The following BICC1 variants were observed in gnomAD, a reference collection of about 807,000 sequenced individuals.
BICC1 encodes the protein protein bicaudal C homolog 1.
A neutral mutation model predicts 111.0 loss-of-function variants in BICC1; 43 were observed. The observed-to-expected ratio is 0.39, with a 90% CI of 0.30 to 0.50. The LOEUF is 0.50. Among genes scored for constraint, BICC1 ranks in the 20% least tolerant of loss-of-function variants. The pLI is 0.88. For missense variants in BICC1, 1,091 were observed against 1,203.2 expected (o/e 0.91, Z 1.38); for synonymous variants, 467 against 434.4 (o/e 1.07, Z -0.93).
chr10:58,613,499 C>A (rs898743133), intron 1 of BICC1, among the ~76,000 whole-genome samples: 4 of 152,086 alleles, frequency 2.6e-5, no homozygotes, highest in African/African-American at 9.7e-5. Flanking sequence ...CTCCATTTTG[C>A]CCTCCAAATA....
intron 17 of BICC1, among the ~76,000 whole-genome samples, chr10:58,808,860 C>T (rs547959311): frequency 4.8e-4 from 73 of 152,006 alleles, no homozygotes; most frequent in African/African-American, 1.7e-3. Flanking sequence ...GGATTACAGA[C>T]ACCCACCATC....
At chr10:58,685,351 G>A (rs1182436478) in intron 2 of BICC1, among the ~76,000 whole-genome samples, 2 of 152,184 alleles carry the variant, frequency 1.3e-5, no homozygotes, top group Admixed American at 6.5e-5. Context: ...CTGTTGATTG[G>A]GGGTGGAGAG....
In BICC1 at chr10:58,574,665, T is replaced by A. The variant is rs139788419; in HGVS notation, c.191-46190T>A. On this transcript the variant is annotated intron_variant, in intron 1 of 20. Coordinates refer to ENST00000373886, the MANE Select transcript of BICC1 (RefSeq NM_001080512.3). Reference sequence around the variant, plus strand: ...TATATGTTTGGTTTATAGCTATTGATGTTGACTATATTTTCAGTTAAATTG... The same window carrying A: ...TATATGTTTGGTTTATAGCTATTGAAGTTGACTATATTTTCAGTTAAATTG... Among the ~76,000 whole-genome samples, 25 of 152,312 alleles carry A rather than the reference T, an allele frequency of 1.6e-4. No homozygotes were observed. The East Asian group carries it at 3.1e-3, about 19-fold the overall frequency.
intron 15 of BICC1, among the ~76,000 whole-genome samples, chr10:58,805,415 G>T (rs760571136): frequency 3.3e-5 from 5 of 152,180 alleles, no homozygotes; most frequent in African/African-American, 9.7e-5. Flanking sequence ...GGCCCTCAAT[G>T]AATATTTGTT....
At chr10:58,713,886 C>T (rs1489456764) in intron 3 of BICC1, among the ~76,000 whole-genome samples, 2 of 151,940 alleles carry the variant, frequency 1.3e-5, no homozygotes, top group African/African-American at 4.8e-5. Context: ...TTTTGAGATC[C>T]ATTAAGGATT....
intron 3 of BICC1, among the ~76,000 whole-genome samples, chr10:58,708,761 A>G (rs1192013859): frequency 2.0e-5 from 3 of 152,170 alleles, no homozygotes; most frequent in Non-Finnish European, 4.4e-5. Flanking sequence ...AAAGGGGAAG[A>G]TGGAGCTGCC....
chr10:58,669,995 T>C (rs1250216624), intron 2 of BICC1, among the ~76,000 whole-genome samples: 2 of 152,166 alleles, frequency 1.3e-5, no homozygotes, highest in African/African-American at 4.8e-5. Flanking sequence ...GTTTATGTTA[T>C]TGTAAAGTTT....
intron 3 of BICC1, among the ~76,000 whole-genome samples, chr10:58,780,406 C>G (rs532501644): frequency 4.6e-5 from 7 of 152,018 alleles, no homozygotes; most frequent in African/African-American, 1.7e-4. Flanking sequence ...ATGTACATGC[C>G]GAGGGTGGAA....
rs150447129 is a variant in BICC1 at position 58,775,296 on chromosome 10, T to C, written c.308-9705T>C. ...GGCTGAGGCAGGAGATTCACTTGAA[T>C]CTGGGAGGTGGAAGTTGCAGTGAGC... On this transcript the variant is annotated intron_variant, in intron 3 of 20. Transcript: ENST00000373886. Among the ~76,000 whole-genome samples the C allele has an allele frequency of 4.9e-3, 744 of 151,804 alleles. 13 individuals carry two copies. Among genetic ancestry groups the C allele is most frequent in the African/African-American group, 0.017 (701 of 41,416 alleles).
chr10:58,790,076 A>G, intron 8 of BICC1, 143 bp downstream of exon 8: 1 of 894,416 alleles, frequency 1.1e-6, no homozygotes, highest in Non-Finnish European at 1.7e-6. Flanking sequence ...CTAAAAGGAA[A>G]TAAACTGGAA....
At chr10:58,817,008 T>C (rs1273415471) in intron 18 of BICC1, among the ~76,000 whole-genome samples, 1 of 152,132 alleles carries the variant, frequency 6.6e-6, no homozygotes, top group Non-Finnish European at 1.5e-5. Flanking sequence ...TATCACTTTA[T>C]ACATTACTAT....
intron 20 of BICC1, among the ~76,000 whole-genome samples, chr10:58,827,108 T>G (rs891644321): frequency 6.6e-6 from 1 of 152,206 alleles, no homozygotes; most frequent in African/African-American, 2.4e-5. Flanking sequence ...ATCAGAGTCG[T>G]CAAACTAGTT....
chr10:58,607,658 C>T (rs1303165148), intron 1 of BICC1, among the ~76,000 whole-genome samples: 2 of 152,120 alleles, frequency 1.3e-5, no homozygotes, highest in Non-Finnish European at 2.9e-5. Flanking sequence ...CCTTCTCAAT[C>T]TCTTCCTTCT....
intron 2 of BICC1, among the ~76,000 whole-genome samples, chr10:58,684,043 C>T (rs1267015590): frequency 6.6e-6 from 1 of 152,154 alleles, no homozygotes; most frequent in Non-Finnish European, 1.5e-5. Context: ...TTTTGAGATA[C>T]GTTCCACCAA....
intron 2 of BICC1, among the ~76,000 whole-genome samples, chr10:58,657,533 T>C (rs1292266159): frequency 6.6e-6 from 1 of 152,186 alleles, no homozygotes; most frequent in African/African-American, 2.4e-5. Flanking sequence ...CTGGAGCCAC[T>C]CAAGTTACCT....
At chr10:58,706,110 AT>A (rs1840380206) in intron 3 of BICC1, among the ~76,000 whole-genome samples, 3 of 152,226 alleles carry the variant, frequency 2.0e-5, no homozygotes, top group African/African-American at 7.2e-5. Flanking sequence ...TCTCCTTTAC[AT>A]TGAAAAATTT....
At chr10:58,576,532 C>A (rs1020340782) in intron 1 of BICC1, among the ~76,000 whole-genome samples, 1 of 152,156 alleles carries the variant, frequency 6.6e-6, no homozygotes, top group African/African-American at 2.4e-5. Flanking sequence ...ACTGTGCATT[C>A]CTGCATAATT....
chr10:58,546,587 G>A (rs1235061278), intron 1 of BICC1, among the ~76,000 whole-genome samples: 1 of 152,088 alleles, frequency 6.6e-6, no homozygotes, highest in Admixed American at 6.6e-5. Context: ...TCTCTACTGA[G>A]GCATCGTTGG....
At chr10:58,608,399 A>G (rs948536944) in intron 1 of BICC1, among the ~76,000 whole-genome samples, 5 of 152,180 alleles carry the variant, frequency 3.3e-5, no homozygotes, top group South Asian at 2.1e-4. Context: ...TGCTATTTCA[A>G]GTGCTCTGAG....
Sources: gnomAD v4.1 joint callset for allele counts (sites outside exome capture counted in the v4.1 genomes callset) on GRCh38, gnomAD v4.1.1 for gene constraint, MANE v1.5 for transcripts, NCBI Gene and HGNC (gene_info 2026-07-23, HGNC 2026-07-21) for gene names.